The following NUP210 variants were observed in gnomAD, a reference collection of about 807,000 sequenced individuals.
NUP210 encodes nuclear pore membrane glycoprotein 210.
Under a neutral mutation model 196.0 loss-of-function variants are expected in NUP210, and 151 were observed. The ratio of observed to expected loss-of-function variants is 0.77; its 90% CI spans 0.67 to 0.88. The LOEUF (loss-of-function observed/expected upper bound fraction) is 0.88. Ranked by LOEUF, NUP210 falls within the 40% of genes least tolerant of loss-of-function variation. The pLI, the probability that NUP210 is intolerant of heterozygous loss-of-function variation, is 0.00. For synonymous variants in NUP210, 1,070 were observed against 1,052.7 expected (o/e 1.02, Z -0.32); for missense variants, 2,314 against 2,493.7 (o/e 0.93, Z 1.53).
At chr3:13,343,339 T>TGGGGGGGTGGGGGGG in intron 20 of NUP210, 36 bp from the exon 21 acceptor site, 1 of 282,480 alleles carries the variant, frequency 3.5e-6, no homozygotes, top group East Asian at 8.4e-5. Flanking sequence ...GGGTGGGTGG[T>TGGGGGGGTGGGGGGG]GGGTTACGCA....
chr3:13,414,124 C>A (rs1700267080), intron 1 of NUP210, among the ~76,000 whole-genome samples: 1 of 152,206 alleles, frequency 6.6e-6, no homozygotes, highest in Admixed American at 6.5e-5. Flanking sequence ...TGGGTCAGGC[C>A]AGAAAGCAAC....
At chr3:13,401,401 G>A (rs1015909757) in intron 1 of NUP210, among the ~76,000 whole-genome samples, 8 of 151,972 alleles carry the variant, frequency 5.3e-5, no homozygotes, top group Non-Finnish European at 7.4e-5. Flanking sequence ...CGACCACTCC[G>A]ACACCACCTG....
intron 14 of NUP210, among the ~76,000 whole-genome samples, 191 bp from the exon 15 acceptor site, chr3:13,360,682 G>A (rs1289920903): frequency 6.6e-6 from 1 of 152,210 alleles, no homozygotes; most frequent in East Asian, 1.9e-4. Context: ...GAGGAATGGG[G>A]TGTAGATAGA....
intron 30 of NUP210, among the ~76,000 whole-genome samples, chr3:13,329,231 A>C (rs371483381): frequency 2.6e-5 from 4 of 152,344 alleles, no homozygotes; most frequent in South Asian, 4.2e-4. Flanking sequence ...CACTATTTAC[A>C]TTGCAAGAGG....
chr3:13,376,882 C>A (rs549279993), intron 9 of NUP210, among the ~76,000 whole-genome samples: 1 of 152,076 alleles, frequency 6.6e-6, no homozygotes, highest in African/African-American at 2.4e-5. Flanking sequence ...AAACCTCCAA[C>A]GCCACCTGAA....
At chr3:13,390,192 G>A (rs1161502135) in intron 4 of NUP210, among the ~76,000 whole-genome samples, 1 of 152,138 alleles carries the variant, frequency 6.6e-6, no homozygotes, top group Non-Finnish European at 1.5e-5. Flanking sequence ...CCCGATGGTC[G>A]TAAAGCACAT....
In NUP210 at chr3:13,348,129, T is replaced by C. The variant is rs1436172114; in HGVS notation, c.2835+3750A>G. ...GTGCCAGAGCTCCCCTGTGGCCACC[T>C]GTAAAACAGAACTGCAGAGGCACTC... On this transcript the variant is annotated intron_variant, in intron 20 of 39. Transcript: ENST00000254508. This position sits in a 1 kb window ranked among gnomAD's most constrained non-coding sequence, Gnocchi z 4.0. Among the ~76,000 whole-genome samples, 1 of 152,212 alleles carries C rather than the reference T, an allele frequency of 6.6e-6. No homozygotes were observed. The highest frequency in any genetic ancestry group is 1.5e-5 in the Non-Finnish European group (1 of 68,026).
Position 13,317,710 on chromosome 3 carries a change from G to A in NUP210, c.5635C>T (p.Leu1879=). 2 of 1,611,112 alleles carry A rather than the reference G, an allele frequency of 1.2e-6. No homozygotes were observed. The highest frequency in any genetic ancestry group is 1.7e-6 in the Non-Finnish European group (2 of 1,178,920). The change falls in exon 40 of 40, where the codon CTG becomes TTG. Residue 1879 remains leucine (L), a synonymous_variant. Coordinates refer to ENST00000254508, the MANE Select transcript of NUP210 (RefSeq NM_024923.4). ...TGGGAGGCATAGGCTGGGCTCCACAGCCCTGAGGGAGGGCTGGCTTTGCGA... is the reference window on the plus strand; with the variant it reads ...TGGGAGGCATAGGCTGGGCTCCACAACCCTGAGGGAGGGCTGGCTTTGCGA... ...PARKASPPSG[L]WSPAYASH
intron 13 of NUP210, among the ~76,000 whole-genome samples, chr3:13,369,655 A>G (rs1698659510): frequency 6.6e-6 from 1 of 152,216 alleles, no homozygotes; most frequent in Non-Finnish European, 1.5e-5. Context: ...TCCCAGCACC[A>G]TTTGGTAAAT....
At chr3:13,320,632 C>CAAAA (rs35982089) in intron 36 of NUP210, among the ~76,000 whole-genome samples, 3 of 67,440 alleles carry the variant, frequency 4.4e-5, no homozygotes, top group Admixed American at 1.8e-4. Context: ...GACTCCGTCT[C>CAAAA]AAAAAAAAAA....
chr3:13,374,295 C>T (rs1230294765), intron 11 of NUP210, among the ~76,000 whole-genome samples: 1 of 152,230 alleles, frequency 6.6e-6, no homozygotes, highest in Non-Finnish European at 1.5e-5. Flanking sequence ...CACATACATT[C>T]ACCTACTCCC....
chr3:13,393,683 T>G (rs191619810), intron 3 of NUP210, among the ~76,000 whole-genome samples: 249 of 152,308 alleles, frequency 1.6e-3, no homozygotes, highest in Non-Finnish European at 2.6e-3. Flanking sequence ...CTGCTGCAGG[T>G]GGGCATCCCT....
chr3:13,378,553 T>C lies in NUP210; in HGVS notation c.1045+359A>G, dbSNP rs548938526. Among the ~76,000 whole-genome samples the C allele has an allele frequency of 6.6e-5, 10 of 152,364 alleles. No homozygotes were observed. The South Asian group carries it at 2.1e-3, about 32-fold the overall frequency. Reference sequence around the variant, plus strand: ...GTACCTGCCTACTGTCATGTCACCTTAGGGTCCCTCTATAATTGAGCTGAC... The same window carrying C: ...GTACCTGCCTACTGTCATGTCACCTCAGGGTCCCTCTATAATTGAGCTGAC... On this transcript the variant is annotated intron_variant, in intron 8 of 39. Transcript: ENST00000254508.
rs1188885767 is a variant in NUP210 at position 13,342,076 on chromosome 3, C to T, written c.3012G>A (p.Leu1004=). ...ATTTGGCAAGGAAGGGCTTCTTGTG[C>T]AAGTCCAGCACGCGGACGTATGCCT... ...TVKAYVRVLD[L]HKKPFLAKYF... is the part of the protein sequence containing the mutation. Residue 1004 remains leucine (L), a synonymous_variant, in exon 22 of 40, where the codon TTG becomes TTA. Transcript: ENST00000254508. 6.2e-7 allele frequency: 1 copy of T among 1,614,222 alleles called. No homozygotes were observed. The highest frequency in any genetic ancestry group is 8.5e-7 in the Non-Finnish European group (1 of 1,180,040).
At chr3:13,321,361 G>T (rs1300717244) in intron 36 of NUP210, among the ~76,000 whole-genome samples, 1 of 152,238 alleles carries the variant, frequency 6.6e-6, no homozygotes, top group African/African-American at 2.4e-5. Flanking sequence ...TTGTAGCTGG[G>T]GAAGACCAGC....
chr3:13,377,160 G>A (rs1036044232), intron 9 of NUP210, among the ~76,000 whole-genome samples: 7 of 152,112 alleles, frequency 4.6e-5, no homozygotes, highest in East Asian at 3.9e-4. Flanking sequence ...GGAGAGTGGC[G>A]GGCAGAGACC....
In NUP210 at chr3:13,340,420, G is replaced by T. The variant is rs1045920441; in HGVS notation, c.3229-122C>A. The T allele has an allele frequency of 5.8e-6, 5 of 862,436 alleles. No homozygotes were observed. The South Asian group carries it at 7.8e-5, about 13-fold the overall frequency. 53.4% of individuals were successfully genotyped at this position (862,436 alleles called of 1,614,324 possible). The stretch of plus-strand genomic sequence containing the variant: ...GGACATGGACATCACTTCTCTCTGA[G>T]CAGTGACCAGAGGGCCCAGGGTCCT... On this transcript the variant is annotated intron_variant, in intron 23 of 39. Coordinates refer to ENST00000254508, the MANE Select transcript of NUP210 (RefSeq NM_024923.4). The surrounding 1 kb of genome is among the most constrained non-coding windows in gnomAD (Gnocchi z 4.0).
chr3:13,389,182 G>A (rs1463122984), intron 4 of NUP210, among the ~76,000 whole-genome samples: 2 of 152,220 alleles, frequency 1.3e-5, no homozygotes, highest in East Asian at 1.9e-4. Flanking sequence ...GGTGTCACAC[G>A]CCAAATTACA....
chr3:13,376,503 G>A (rs1377076718), intron 9 of NUP210, 72 bp from the exon 10 acceptor site: 20 of 1,576,896 alleles, frequency 1.3e-5, no homozygotes, highest in Non-Finnish European at 1.7e-5. Context: ...TGGGCACGAA[G>A]CTACAGGACT....
Sources: allele counts gnomAD v4.1 joint callset (sites outside exome capture counted in the v4.1 genomes callset), GRCh38; gene constraint gnomAD v4.1.1; non-coding constraint Gnocchi (gnomAD v3.1); transcripts MANE v1.5; gene names NCBI Gene and HGNC (gene_info 2026-07-23, HGNC 2026-07-21).